Variants in ABCD3 observed in about 807,000 individuals in gnomAD.
The protein encoded by ABCD3 is ATP-binding cassette sub-family D member 3.
In ABCD3, 41 loss-of-function variants were observed where a neutral mutation model predicts 105.5. That is an observed-to-expected ratio of 0.39 (90% CI 0.30 to 0.50). ABCD3 has a LOEUF of 0.50. ABCD3 is among the 20% of genes least tolerant of loss of function. The pLI is 0.84. For missense variants in ABCD3, 622 were observed against 806.3 expected (o/e 0.77, Z 2.77); for synonymous variants, 258 against 269.0 (o/e 0.96, Z 0.40).
In ABCD3 at chr1:94,458,680, G is replaced by A. The variant is rs1216478905; in HGVS notation, c.147+37G>A. ...AATCATCTTCTTTTTGGGATTTCAT[G>A]CATTTATTTCATTTATTTTGTCATA... On this transcript the variant is annotated intron_variant, in intron 2 of 22. Transcript: ENST00000370214. The A allele has an allele frequency of 2.5e-6, 4 of 1,579,462 alleles. No homozygotes were observed. The African/African-American group carries it at 5.4e-5, about 21-fold the overall frequency.
intron 18 of ABCD3, 29 bp downstream of exon 18, chr1:94,498,877 C>T: frequency 6.2e-7 from 1 of 1,609,232 alleles, no homozygotes; most frequent in South Asian, 1.1e-5. Context: ...TATCTTTGAT[C>T]TAAAGATCTT....
intron 1 of ABCD3, among the ~76,000 whole-genome samples, chr1:94,454,262 G>A (rs1044333928): frequency 1.3e-5 from 2 of 152,080 alleles, no homozygotes; most frequent in African/African-American, 4.8e-5. Context: ...GAGAGAGATT[G>A]GAAATGAAGT....
chr1:94,390,163 A>G, the ABCD3 span, among the ~76,000 whole-genome samples: 1 of 152,194 alleles, frequency 6.6e-6, no homozygotes, highest in Non-Finnish European at 1.5e-5. Flanking sequence ...GATGTGGCAG[A>G]CCTGATTTAA....
the ABCD3 span, among the ~76,000 whole-genome samples, chr1:94,411,907 A>G: frequency 6.6e-6 from 1 of 152,204 alleles, no homozygotes; most frequent in Non-Finnish European, 1.5e-5. Context: ...AAGGGCACAT[A>G]TTGTATGATT....
chr1:94,418,485 G>C lies in ABCD3; in HGVS notation c.7G>C (p.Ala3Pro). 4.4e-6 allele frequency: 7 copies of C among 1,600,468 alleles called. No individual in the cohort carries two copies. The highest frequency in any genetic ancestry group is 5.9e-6 in the Non-Finnish European group (7 of 1,177,740). The change falls in exon 1 of 23, where the codon GCC becomes CCC. Residue 3 changes from alanine (A) to proline (P), a missense_variant. Ala to Pro is a conservative substitution (Grantham distance 27). This residue lies in a region of ABCD3 where 89 missense variants were observed against 77.5 expected (regional missense o/e 1.15). Coordinates refer to ENST00000370214, the MANE Select transcript of ABCD3 (RefSeq NM_002858.4). MAAFSKYLTARNS... is the reference protein window; with the variant it reads MAPFSKYLTARNS... ...CGCTGGTACCGGCAGTGCCATGGCG[G>C]CCTTCAGCAAGTACTTGACGGCGCG...
the ABCD3 span, among the ~76,000 whole-genome samples, chr1:94,405,007 A>G: frequency 1.3e-5 from 2 of 151,780 alleles, no homozygotes; most frequent in African/African-American, 4.8e-5. Flanking sequence ...GTGTAGCTGC[A>G]TAGAACTCAT....
At chr1:94,471,002 C>A (rs925324254) in intron 4 of ABCD3, among the ~76,000 whole-genome samples, 2 of 152,202 alleles carry the variant, frequency 1.3e-5, no homozygotes, top group Middle Eastern at 3.4e-3. Flanking sequence ...CTCAAGCATT[C>A]TGTGACTCTT....
At chr1:94,402,417 T>TTATGTGTGTGCTCTTTATG in the ABCD3 span, among the ~76,000 whole-genome samples, 1 of 152,220 alleles carries the variant, frequency 6.6e-6, no homozygotes, top group African/African-American at 2.4e-5. Context: ...GCTTTATCAT[T>TTATGTGTGTGCTCTTTATG]TATGTGTGTG....
chr1:94,447,158 A>G (rs1469648242), intron 1 of ABCD3, among the ~76,000 whole-genome samples: 1 of 152,252 alleles, frequency 6.6e-6, no homozygotes, highest in Non-Finnish European at 1.5e-5. Flanking sequence ...ATTTGGATAG[A>G]ACAATGGCCA....
the ABCD3 span, among the ~76,000 whole-genome samples, chr1:94,411,197 T>G: frequency 6.6e-6 from 1 of 152,124 alleles, no homozygotes; most frequent in Non-Finnish European, 1.5e-5. Context: ...AAAGACAAAC[T>G]ATGGAATGGG....
intron 10 of ABCD3, among the ~76,000 whole-genome samples, chr1:94,486,574 A>T (rs1319492755): frequency 6.6e-6 from 1 of 152,192 alleles, no homozygotes; most frequent in Admixed American, 6.5e-5. Context: ...GCAGACAATA[A>T]ATAAACAACT....
At position 94,489,753 on chromosome 1, in the gene ABCD3, C is replaced by A; in HGVS notation, c.1186C>A (p.Gln396Lys). Residue 396 changes from glutamine to lysine, a missense_variant, in exon 14 of 23, where the codon CAA (glutamine) becomes AAA (lysine). Coordinates refer to ENST00000370214, the MANE Select transcript of ABCD3 (RefSeq NM_002858.4). ...GFTARITELMQVLKDLNHGKY... is the reference protein window; with the variant it reads ...GFTARITELMKVLKDLNHGKY... Reference sequence around the variant, plus strand: ...TACTGCTCGGATTACAGAATTAATGCAAGTACTGAAGGATTTAAATCATGG... The same window carrying A: ...TACTGCTCGGATTACAGAATTAATGAAAGTACTGAAGGATTTAAATCATGG... The A allele has an allele frequency of 6.2e-7, 1 of 1,612,980 alleles. No homozygotes were observed. The highest frequency in any genetic ancestry group is 8.5e-7 in the Non-Finnish European group (1 of 1,179,326).
At chr1:94,446,351 AG>A (rs1359415275) in intron 1 of ABCD3, among the ~76,000 whole-genome samples, 3 of 152,024 alleles carry the variant, frequency 2.0e-5, no homozygotes, top group Non-Finnish European at 4.4e-5. Flanking sequence ...TCCCAACAGG[AG>A]TCTGTGGACC....
intron 1 of ABCD3, among the ~76,000 whole-genome samples, chr1:94,446,614 T>C (rs891758192): frequency 2.6e-5 from 4 of 152,152 alleles, no homozygotes; most frequent in Non-Finnish European, 5.9e-5. Context: ...GCAAAGCAGC[T>C]TATTGGGTGA....
chr1:94,386,886 T>C, the ABCD3 span, among the ~76,000 whole-genome samples: 17 of 152,264 alleles, frequency 1.1e-4, no homozygotes, highest in African/African-American at 4.1e-4. Context: ...AAATAAAATT[T>C]ACTGGGTCAA....
At chr1:94,394,253 C>T in the ABCD3 span, among the ~76,000 whole-genome samples, 4 of 152,096 alleles carry the variant, frequency 2.6e-5, no homozygotes, top group Non-Finnish European at 5.9e-5. Context: ...TGTAATGGAC[C>T]AGTATGATAA....
chr1:94,475,878 G>T, intron 7 of ABCD3, 141 bp downstream of exon 7: 1 of 679,400 alleles, frequency 1.5e-6, no homozygotes, highest in South Asian at 2.4e-5. Flanking sequence ...TAGAGTTGTT[G>T]TAATAGTTTT....
chr1:94,418,640 C>CG (rs1557655276), intron 1 of ABCD3, 52 bp downstream of exon 1: 1 of 1,524,882 alleles, frequency 6.6e-7, no homozygotes, highest in Non-Finnish European at 8.8e-7. Context: ...GGGCGCTCCC[C>CG]GCGCGCTCTC....
chr1:94,462,917 C>T (rs1194313069), intron 2 of ABCD3, among the ~76,000 whole-genome samples: 1 of 152,136 alleles, frequency 6.6e-6, no homozygotes, highest in East Asian at 1.9e-4. Context: ...CTTTTCTTTA[C>T]TCTTTTCTTC....
Sources: allele counts gnomAD v4.1 joint callset (sites outside exome capture counted in the v4.1 genomes callset), GRCh38; gene constraint gnomAD v4.1.1; regional missense constraint gnomAD v4.1.1; transcripts MANE v1.5; gene names NCBI Gene and HGNC (gene_info 2026-07-23, HGNC 2026-07-21).